Variants in SIDT1 observed in about 807,000 individuals in gnomAD.
SIDT1 encodes SID1 transmembrane family, member 1.
In SIDT1, 101 loss-of-function variants were observed where a neutral mutation model predicts 107.5. That is an observed-to-expected ratio of 0.94 (90% CI 0.80 to 1.11). The LOEUF (loss-of-function observed/expected upper bound fraction) is 1.11, where lower values mean the gene tolerates loss of function less well. Ranked by LOEUF, SIDT1 falls within the 50% of genes least tolerant of loss-of-function variation. The pLI is 0.00. For synonymous variants in SIDT1, 395 were observed against 398.2 expected, an observed-to-expected ratio of 0.99 and a Z score of 0.10; for missense variants, 1,076 against 1,058.2, an observed-to-expected ratio of 1.02 and a Z score of -0.23.
intron 9 of SIDT1, among the ~76,000 whole-genome samples, chr3:113,587,459 A>G (rs754623287): frequency 1.3e-5 from 2 of 152,216 alleles, no homozygotes; most frequent in African/African-American, 2.4e-5. Context: ...AATTTATCGA[A>G]TCAGAGTTAC....
chr3:113,558,459 G>A (rs1941106874), intron 1 of SIDT1, among the ~76,000 whole-genome samples: 1 of 152,146 alleles, frequency 6.6e-6, no homozygotes, highest in Non-Finnish European at 1.5e-5. Context: ...GGCACCAACT[G>A]AAGTTTTTTA....
chr3:113,586,805 CAT>C (rs1560079647), intron 9 of SIDT1, among the ~76,000 whole-genome samples: 2 of 152,256 alleles, frequency 1.3e-5, no homozygotes, highest in South Asian at 2.1e-4. Context: ...GGAATCTAAT[CAT>C]GTGGAAAAAT....
rs542370096 is a variant in SIDT1, at chr3:113,618,356, G to A, written c.2044-1324G>A. ...AAGGGCATTTTGATTGCTTCCAAGTGTGGGTAATTATGAATAAGCTGCTAT... is the reference window on the plus strand; with the variant it reads ...AAGGGCATTTTGATTGCTTCCAAGTATGGGTAATTATGAATAAGCTGCTAT... On this transcript the variant is annotated intron_variant, in intron 20 of 24. Transcript: ENST00000264852. 3.5e-4 allele frequency among the ~76,000 whole-genome samples: 54 copies of A among 152,322 alleles called. 1 individual carries two copies. In the South Asian group the frequency reaches 0.011, roughly 30 times the overall value.
intron 10 of SIDT1, among the ~76,000 whole-genome samples, chr3:113,600,815 G>T (rs1944906600): frequency 6.6e-6 from 1 of 152,170 alleles, no homozygotes; most frequent in Non-Finnish European, 1.5e-5. Context: ...CATACTTATG[G>T]GTCAGCCCAA....
chr3:113,620,189 TAA>T (rs958881867), intron 21 of SIDT1, among the ~76,000 whole-genome samples: 1 of 146,542 alleles, frequency 6.8e-6, no homozygotes, highest in Non-Finnish European at 1.5e-5. Context: ...TTTCTTTTAC[TAA>T]ATGTGTGTGT....
At chr3:113,576,786 A>C in intron 3 of SIDT1, 136 bp from the exon 4 acceptor site, 1 of 866,286 alleles carries the variant, frequency 1.2e-6, no homozygotes, top group Non-Finnish European at 1.9e-6. Flanking sequence ...ACGGAACCGG[A>C]ACTCCCCTCA....
chr3:113,556,262 C>A (rs1429545937), intron 1 of SIDT1, among the ~76,000 whole-genome samples: 4 of 152,138 alleles, frequency 2.6e-5, no homozygotes, highest in African/African-American at 9.7e-5. Flanking sequence ...ACAGTCACAT[C>A]AATAACTATA....
Position 113,532,583 on chromosome 3 carries a change from C to T in SIDT1, c.-439C>T, listed in dbSNP as rs749393912. The T allele has an allele frequency of 4.1e-4, 65 of 157,996 alleles. No homozygotes were observed. Among genetic ancestry groups the T allele is most frequent in the South Asian group, 1.2e-3 (6 of 4,864 alleles). The allele number at this position is 157,996 out of a possible 1,614,324, so 9.8% of individuals were successfully genotyped here. A position where few individuals can be genotyped will look rare whatever the true frequency, so the allele number is the denominator to read the frequency against. ...TTTGAAACAGACCGAATTTCCTCCT[C>T]GATGTGGCGTCAGGTTGACTTTTCG... On this transcript the variant is annotated 5_prime_UTR_variant, in exon 1 of 25. Transcript: ENST00000264852.
At chr3:113,596,780 G>C (rs142841327) in intron 10 of SIDT1, among the ~76,000 whole-genome samples, 15 of 152,302 alleles carry the variant, frequency 9.8e-5, no homozygotes, top group African/African-American at 3.6e-4. Flanking sequence ...CAGGCCTCTG[G>C]GACCCCTTGA....
chr3:113,607,082 C>A lies in SIDT1; in HGVS notation c.1446C>A (p.Asn482Lys). The change falls in exon 15 of 25, where the codon AAC becomes AAA. Residue 482 changes from asparagine (N) to lysine (K), a missense_variant. By Grantham distance (94) the Asn-to-Lys change is moderately conservative (BLOSUM62 0). Transcript: ENST00000264852. ...GCAACCAGGACATCTGTTACTACAA[C>A]TTCCTCTGTGCTCACCCCTTGGGCG... ...VTGNQDICYY[N>K]FLCAHPLGVL... 6.2e-7 allele frequency: 1 copy of A among 1,613,378 alleles called. No individual in the cohort carries two copies. Among genetic ancestry groups the A allele is most frequent in the Non-Finnish European group, 8.5e-7 (1 of 1,179,328 alleles).
At chr3:113,538,529 G>C (rs1301647120) in intron 1 of SIDT1, among the ~76,000 whole-genome samples, 1 of 152,174 alleles carries the variant, frequency 6.6e-6, no homozygotes, top group Non-Finnish European at 1.5e-5. Flanking sequence ...AAAATGTGTC[G>C]TTAGTATTTG....
intron 10 of SIDT1, among the ~76,000 whole-genome samples, chr3:113,594,527 T>C (rs1424892596): frequency 6.6e-6 from 1 of 152,194 alleles, no homozygotes; most frequent in Non-Finnish European, 1.5e-5. Flanking sequence ...TTTTATAGTA[T>C]GAGTGAAGTC....
intron 10 of SIDT1, 28 bp downstream of exon 10, chr3:113,593,076 A>G: frequency 2.5e-6 from 4 of 1,596,620 alleles, no homozygotes; most frequent in South Asian, 1.1e-5. Flanking sequence ...TTTCAATTCA[A>G]AATGGTGTCG....
intron 1 of SIDT1, among the ~76,000 whole-genome samples, chr3:113,544,033 C>A (rs1387921164): frequency 6.6e-6 from 1 of 152,074 alleles, no homozygotes; most frequent in African/African-American, 2.4e-5. Flanking sequence ...ATAACTTAGT[C>A]AAATTTCACC....
chr3:113,593,991 A>G (rs1481076309), intron 10 of SIDT1, among the ~76,000 whole-genome samples: 1 of 152,208 alleles, frequency 6.6e-6, no homozygotes, highest in East Asian at 1.9e-4. Context: ...CTCAGTGCTC[A>G]TAGGTTATTT....
intron 1 of SIDT1, among the ~76,000 whole-genome samples, chr3:113,554,179 C>T (rs1477970104): frequency 6.6e-6 from 1 of 152,190 alleles, no homozygotes; most frequent in African/African-American, 2.4e-5. Flanking sequence ...TATCTTCACA[C>T]CAGTTTCTGT....
chr3:113,599,975 A>G (rs1397233035), intron 10 of SIDT1, among the ~76,000 whole-genome samples: 2 of 152,182 alleles, frequency 1.3e-5, no homozygotes, highest in African/African-American at 4.8e-5. Context: ...TGCACGTAAT[A>G]TCAAAACATC....
intron 21 of SIDT1, 50 bp from the exon 22 acceptor site, chr3:113,623,377 G>T (rs1443115817): frequency 1.7e-6 from 2 of 1,210,824 alleles, no homozygotes; most frequent in Non-Finnish European, 2.5e-6. Flanking sequence ...AAAGCCAATA[G>T]TGTTACAAAT....
Position 113,603,112 on chromosome 3 carries a change from C to A in SIDT1, c.1225C>A (p.Pro409Thr). 3 of 1,614,004 alleles carry A rather than the reference C, an allele frequency of 1.9e-6. No homozygotes were observed. Among genetic ancestry groups the A allele is most frequent in the Non-Finnish European group, 2.5e-6 (3 of 1,179,926 alleles). The stretch of plus-strand genomic sequence containing the variant: ...GGAGGAGAGCGACTTCGACACCATG[C>A]CAGACATTGAGAGTGATAAAAACAT... ...SVEESDFDTM[P>T]DIESDKNIIR... The change falls in exon 12 of 25, where the codon CCA becomes ACA. Residue 409 changes from proline to threonine, a missense_variant. Coordinates refer to ENST00000264852, the MANE Select transcript of SIDT1 (RefSeq NM_017699.3).
Sources: gnomAD v4.1 joint callset for allele counts (sites outside exome capture counted in the v4.1 genomes callset) on GRCh38, gnomAD v4.1.1 for gene constraint, MANE v1.5 for transcripts, NCBI Gene and HGNC (gene_info 2026-07-23, HGNC 2026-07-21) for gene names.